The following ATXN10 variants were observed in gnomAD, a reference collection of about 807,000 sequenced individuals.
ATXN10 encodes the protein ataxin 10, also known as ataxin-10.
ATXN10 carries 28 observed loss-of-function variants against 52.9 expected under a neutral mutation model. The observed-to-expected ratio is 0.53, with a 90% CI of 0.39 to 0.73. The LOEUF (loss-of-function observed/expected upper bound fraction) is 0.73. ATXN10 is among the 30% of genes least tolerant of loss of function. The pLI, the probability that ATXN10 is intolerant of heterozygous loss-of-function variation, is 0.00. For missense variants in ATXN10, 565 were observed against 577.0 expected (o/e 0.98, Z 0.21); for synonymous variants, 226 against 221.5 (o/e 1.02, Z -0.18).
chr22:45,710,409 C>T (rs1003101907), intron 5 of ATXN10, among the ~76,000 whole-genome samples: 1 of 152,184 alleles, frequency 6.6e-6, no homozygotes, highest in Non-Finnish European at 1.5e-5. Flanking sequence ...GAGACCTTCC[C>T]AGCACTTTAT....
chr22:45,803,648 C>T (rs1928001733), intron 9 of ATXN10, among the ~76,000 whole-genome samples: 1 of 152,196 alleles, frequency 6.6e-6, no homozygotes, highest in South Asian at 2.1e-4. Context: ...TCCTTATCTT[C>T]ATCCCAATAT....
At chr22:45,675,691 A>C (rs1922658318) in intron 1 of ATXN10, 1 of 152,208 alleles carries the variant, frequency 6.6e-6, no homozygotes, top group Non-Finnish European at 1.5e-5. Flanking sequence ...AGACACCCTA[A>C]GCCTCTCAGA....
chr22:45,713,990 G>T (rs148802055), intron 5 of ATXN10, among the ~76,000 whole-genome samples: 23 of 152,306 alleles, frequency 1.5e-4, no homozygotes, highest in African/African-American at 4.8e-4. Flanking sequence ...GACAAGTAAT[G>T]ATTGTAGAAT....
At chr22:45,812,010 G>T (rs752831613) in intron 10 of ATXN10, among the ~76,000 whole-genome samples, 15 of 152,136 alleles carry the variant, frequency 9.9e-5, no homozygotes, top group Non-Finnish European at 2.2e-4. Flanking sequence ...CCCTTCTTCA[G>T]CATTCCCCAG....
At chr22:45,740,614 T>C in intron 9 of ATXN10, 76 bp downstream of exon 9, 1 of 1,445,440 alleles carries the variant, frequency 6.9e-7, no homozygotes, top group Admixed American at 1.7e-5. Flanking sequence ...CATTCACTCT[T>C]TTGGAGTGAA....
chr22:45,747,571 G>C (rs1332546924), intron 9 of ATXN10, among the ~76,000 whole-genome samples: 1 of 152,112 alleles, frequency 6.6e-6, no homozygotes, highest in Admixed American at 6.6e-5. Flanking sequence ...TCATTGCTTG[G>C]CTTGTAACAT....
chr22:45,776,444 A>G (rs1229411602), intron 9 of ATXN10, among the ~76,000 whole-genome samples: 1 of 151,684 alleles, frequency 6.6e-6, no homozygotes, highest in African/African-American at 2.4e-5. Flanking sequence ...TTCCCCTCTC[A>G]GGAAAGTTCA....
rs1459836727 is a variant in ATXN10 at position 45,826,416 on chromosome 22, T to C, written c.1238-16575T>C. On this transcript the variant is annotated intron_variant, in intron 10 of 11. Transcript: ENST00000252934. The surrounding 1 kb of genome is among the most constrained non-coding windows in gnomAD (Gnocchi z 5.0). ...AGGACTGAAAATTTTCCACATTTGA[T>C]GGAAGTCACGAATATATACAACCAG... Among the ~76,000 whole-genome samples, 1 of 152,186 alleles carries C rather than the reference T, an allele frequency of 6.6e-6. No individual in the cohort carries two copies. The highest frequency in any genetic ancestry group is 1.5e-5 in the Non-Finnish European group (1 of 68,024).
rs760196925 is a variant in ATXN10, at chr22:45,805,668, TAGA to T, written c.1174-1288_1174-1286del. Among the ~76,000 whole-genome samples, 10 of 151,974 alleles carry T rather than the reference TAGA, an allele frequency of 6.6e-5. No individual in the cohort carries two copies. The highest frequency in any genetic ancestry group is 1.5e-5 in the Non-Finnish European group (1 of 68,006). ...TAGGCAAATCCAGAGAGACAGGAAG[TAGA>T]AGGATAGTTGCCAAGGACTGGGGGG... On this transcript the variant is annotated intron_variant, in intron 9 of 11. Coordinates refer to ENST00000252934, the MANE Select transcript of ATXN10 (RefSeq NM_013236.4). This position sits in a 1 kb window ranked among gnomAD's most constrained non-coding sequence, Gnocchi z 4.4.
At chr22:45,716,510 G>T (rs1196743043) in intron 5 of ATXN10, among the ~76,000 whole-genome samples, 1 of 140,868 alleles carries the variant, frequency 7.1e-6, no homozygotes, top group Non-Finnish European at 1.6e-5. Context: ...TATTTTTTTT[G>T]TGTGTTTTTG....
chr22:45,751,843 GTTTT>G (rs138181), intron 9 of ATXN10, among the ~76,000 whole-genome samples: 303 of 132,640 alleles, frequency 2.3e-3, no homozygotes, highest in Middle Eastern at 3.8e-3. Context: ...AGCATATTTA[GTTTT>G]TTTTTTTTTT....
intron 10 of ATXN10, among the ~76,000 whole-genome samples, chr22:45,838,670 G>T (rs1394359400): frequency 6.6e-6 from 1 of 152,198 alleles, no homozygotes; most frequent in Non-Finnish European, 1.5e-5. Context: ...TCTCTCTCGT[G>T]ACACTTCAGA....
chr22:45,768,143 G>T (rs1168577802), intron 9 of ATXN10, among the ~76,000 whole-genome samples: 3 of 152,108 alleles, frequency 2.0e-5, no homozygotes, highest in African/African-American at 4.8e-5. Flanking sequence ...TCACTGAAAA[G>T]AACTAAAATC....
chr22:45,828,951 C>G lies in ATXN10; in HGVS notation c.1238-14040C>G, dbSNP rs145232259. ...CCCTGGTACAAAAGCTAGACAGAGA[C>G]ACTACAAGAAAACTAAAGACCAACA... is the stretch of plus-strand genomic sequence containing the variant. On this transcript the variant is annotated intron_variant, in intron 10 of 11. Coordinates refer to ENST00000252934, the MANE Select transcript of ATXN10 (RefSeq NM_013236.4). The surrounding 1 kb of genome is among the most constrained non-coding windows in gnomAD (Gnocchi z 4.5). 5.5e-3 allele frequency among the ~76,000 whole-genome samples: 832 copies of G among 152,240 alleles called. 13 individuals are homozygous for G. Among genetic ancestry groups the G allele is most frequent in the African/African-American group, 0.019 (800 of 41,546 alleles).
rs551008187 is a variant in ATXN10, at chr22:45,842,606, A to G, written c.1238-385A>G. ...CTTTCCCTAGTGAGTCAGTAACATA[A>G]TTATTCAACAAAGGAATGTGTGTGT... On this transcript the variant is annotated intron_variant, in intron 10 of 11. Transcript: ENST00000252934. The surrounding 1 kb of genome is among the most constrained non-coding windows in gnomAD (Gnocchi z 4.8). 6.6e-6 allele frequency among the ~76,000 whole-genome samples: 1 copy of G among 152,252 alleles called. No individual in the cohort carries two copies. Among genetic ancestry groups the G allele is most frequent in the South Asian group, 2.1e-4 (1 of 4,818 alleles).
intron 1 of ATXN10, among the ~76,000 whole-genome samples, chr22:45,682,012 A>G (rs1195330868): frequency 1.3e-5 from 2 of 152,164 alleles, no homozygotes; most frequent in Non-Finnish European, 2.9e-5. Context: ...TTAAGTTTGC[A>G]CTAAATTCCA....
At position 45,839,869 on chromosome 22, in the gene ATXN10, C is replaced by T. The variant is rs576010718; in HGVS notation, c.1238-3122C>T. On this transcript the variant is annotated intron_variant, in intron 10 of 11. Coordinates refer to ENST00000252934, the MANE Select transcript of ATXN10 (RefSeq NM_013236.4). Reference sequence around the variant, plus strand: ...CTGGGTCGGGAAACCACACCAACAACAGGAGGCAAAAACACAGCCTGTGGG... The same window carrying T: ...CTGGGTCGGGAAACCACACCAACAATAGGAGGCAAAAACACAGCCTGTGGG... 2.6e-5 allele frequency among the ~76,000 whole-genome samples: 4 copies of T among 152,328 alleles called. No individual in the cohort carries two copies. In the South Asian group the frequency reaches 8.3e-4, roughly 32 times the overall value.
At chr22:45,777,585 T>G (rs1457974542) in intron 9 of ATXN10, among the ~76,000 whole-genome samples, 1 of 152,224 alleles carries the variant, frequency 6.6e-6, no homozygotes, top group Admixed American at 6.5e-5. Context: ...GCTGTTTTCC[T>G]TATGAGAACA....
Position 45,787,380 on chromosome 22 carries a change from G to A in ATXN10, c.1174-19579G>A, listed in dbSNP as rs754347538. ...GAGTTCGGACCTTTTTCCGTCTACCGCTGTGTCTTGATCTGCCTCCTGGCC... is the reference window on the plus strand; with the variant it reads ...GAGTTCGGACCTTTTTCCGTCTACCACTGTGTCTTGATCTGCCTCCTGGCC... On this transcript the variant is annotated intron_variant, in intron 9 of 11. Coordinates refer to ENST00000252934, the MANE Select transcript of ATXN10 (RefSeq NM_013236.4). This position sits in a 1 kb window ranked among gnomAD's most constrained non-coding sequence, Gnocchi z 4.2. 3.9e-5 allele frequency among the ~76,000 whole-genome samples: 6 copies of A among 152,082 alleles called. No individual in the cohort carries two copies. The highest frequency in any genetic ancestry group is 6.5e-5 in the Admixed American group (1 of 15,272).
Sources: allele counts gnomAD v4.1 joint callset (sites outside exome capture counted in the v4.1 genomes callset), GRCh38; gene constraint gnomAD v4.1.1; non-coding constraint Gnocchi (gnomAD v3.1); transcripts MANE v1.5; gene names NCBI Gene and HGNC (gene_info 2026-07-23, HGNC 2026-07-21).